The following INSYN2A variants were observed in gnomAD, a reference collection of about 807,000 sequenced individuals.
INSYN2A encodes inhibitory synaptic factor 2A.
Under a neutral mutation model 39.4 loss-of-function variants are expected in INSYN2A, and 17 were observed. That is an observed-to-expected ratio of 0.43 (90% CI 0.30 to 0.65). The LOEUF (loss-of-function observed/expected upper bound fraction) is 0.65. Among genes scored for constraint, INSYN2A ranks in the 30% least tolerant of loss-of-function variants. The pLI is 0.14. For synonymous variants in INSYN2A, 255 were observed against 265.7 expected (o/e 0.96, Z 0.39); for missense variants, 595 against 631.2 (o/e 0.94, Z 0.61).
intron 4 of INSYN2A, among the ~76,000 whole-genome samples, chr10:127,156,042 G>A (rs920956312): frequency 1.3e-4 from 20 of 152,250 alleles, no homozygotes; most frequent in African/African-American, 4.1e-4. Context: ...TACAGTGGGC[G>A]AAACCAGGGA....
chr10:127,166,577 A>G (rs1191501247), intron 4 of INSYN2A, among the ~76,000 whole-genome samples: 1 of 152,212 alleles, frequency 6.6e-6, no homozygotes, highest in African/African-American at 2.4e-5. Context: ...TAAAGATTAA[A>G]GAAGATAATA....
chr10:127,187,652 C>A (rs1024740355), intron 2 of INSYN2A, among the ~76,000 whole-genome samples: 1 of 151,902 alleles, frequency 6.6e-6, no homozygotes, highest in Non-Finnish European at 1.5e-5. Flanking sequence ...GGGCTCTATT[C>A]CCTCAGCCTC....
intron 4 of INSYN2A, among the ~76,000 whole-genome samples, chr10:127,168,563 C>A (rs2054285530): frequency 6.6e-6 from 1 of 152,216 alleles, no homozygotes; most frequent in African/African-American, 2.4e-5. Context: ...GAGAGACTGT[C>A]TAATGTCACC....
intron 4 of INSYN2A, among the ~76,000 whole-genome samples, chr10:127,158,665 A>T (rs1310311878): frequency 1.3e-5 from 2 of 152,124 alleles, no homozygotes; most frequent in Non-Finnish European, 2.9e-5. Context: ...GTGGACAAAA[A>T]CCCTGACAGG....
intron 5 of INSYN2A, among the ~76,000 whole-genome samples, chr10:127,140,371 C>T (rs777866974): frequency 2.6e-4 from 39 of 152,146 alleles, no homozygotes; most frequent in Middle Eastern, 3.2e-3. Flanking sequence ...GAGGCAGGTT[C>T]CTTGGTAGAG....
chr10:127,147,729 G>A (rs1181466372), intron 5 of INSYN2A, among the ~76,000 whole-genome samples: 1 of 152,044 alleles, frequency 6.6e-6, no homozygotes, highest in Non-Finnish European at 1.5e-5. Flanking sequence ...CAAAGTGGTT[G>A]TTTAAAATTC....
intron 5 of INSYN2A, among the ~76,000 whole-genome samples, chr10:127,141,283 A>T (rs2051215906): frequency 6.6e-6 from 1 of 152,210 alleles, no homozygotes; most frequent in African/African-American, 2.4e-5. Context: ...TCTCGAATGC[A>T]GGCACCATAA....
In INSYN2A at chr10:127,138,035, G is replaced by C. The variant is rs113189669; in HGVS notation, c.1257-15C>G. 7.5e-6 allele frequency: 12 copies of C among 1,591,122 alleles called. No homozygotes were observed. Among genetic ancestry groups the C allele is most frequent in the Non-Finnish European group, 9.4e-6 (11 of 1,171,964 alleles). On this transcript the variant is annotated splice_polypyrimidine_tract_variant and intron_variant, in intron 5 of 5. Coordinates refer to ENST00000522781, the MANE Select transcript of INSYN2A (RefSeq NM_001039762.3). ...CCAGCTCCACACTAGAAAAGAGAGA[G>C]AGTGAAGACTTTAGCATTTGATCTT...
At chr10:127,171,446 C>T (rs2054562507) in intron 4 of INSYN2A, among the ~76,000 whole-genome samples, 1 of 152,180 alleles carries the variant, frequency 6.6e-6, no homozygotes, top group Non-Finnish European at 1.5e-5. Flanking sequence ...GCCCATGACC[C>T]CTTTGGGCCA....
Position 127,176,316 on chromosome 10 carries a change from T to C in INSYN2A, c.80A>G (p.Glu27Gly). ...GTTGGGGTCCAGGGCGTATTTCATC[T>C]CCAGGGCCAGGCAGGCGGCGGGTTC... ...EVEPAACLAL[E>G]MKYALDPNRQ... The change falls in exon 4 of 6, where the codon GAG becomes GGG. Residue 27 changes from glutamate to glycine, a missense_variant. Glu to Gly is a moderately conservative substitution (Grantham distance 98, BLOSUM62 -2). Around this residue, in one of 2 missense-constraint regions of INSYN2A, gnomAD observed 478 missense variants for 467.4 expected, o/e 1.02. Coordinates refer to ENST00000522781, the MANE Select transcript of INSYN2A (RefSeq NM_001039762.3). This position sits in a 1 kb window ranked among gnomAD's most constrained non-coding sequence, Gnocchi z 4.4. The C allele has an allele frequency of 6.2e-7, 1 of 1,614,094 alleles. No homozygotes were observed. The highest frequency in any genetic ancestry group is 8.5e-7 in the Non-Finnish European group (1 of 1,180,036).
chr10:127,165,852 C>G (rs901082659), intron 4 of INSYN2A, among the ~76,000 whole-genome samples: 2 of 152,118 alleles, frequency 1.3e-5, no homozygotes, highest in Non-Finnish European at 2.9e-5. Flanking sequence ...ATTACAGATC[C>G]TTCCCAATAC....
At chr10:127,141,169 C>T (rs2051205388) in intron 5 of INSYN2A, among the ~76,000 whole-genome samples, 1 of 152,214 alleles carries the variant, frequency 6.6e-6, no homozygotes, top group Non-Finnish European at 1.5e-5. Flanking sequence ...GTCTGACCAC[C>T]TTCCCAAATG....
chr10:127,167,418 G>A (rs1198021272), intron 4 of INSYN2A, among the ~76,000 whole-genome samples: 1 of 152,184 alleles, frequency 6.6e-6, no homozygotes, highest in Non-Finnish European at 1.5e-5. Context: ...GAGAGATAAG[G>A]AATTGATGAA....
intron 4 of INSYN2A, among the ~76,000 whole-genome samples, chr10:127,173,759 G>C (rs899965207): frequency 6.6e-6 from 1 of 152,188 alleles, no homozygotes; most frequent in Non-Finnish European, 1.5e-5. Flanking sequence ...CGCCTGATGA[G>C]TGTTGCTTTT....
intron 4 of INSYN2A, among the ~76,000 whole-genome samples, chr10:127,172,945 T>G (rs2133857161): frequency 6.6e-6 from 1 of 152,320 alleles, no homozygotes; most frequent in South Asian, 2.1e-4. Context: ...ACTGTGAAGT[T>G]TCAATTGTCA....
At chr10:127,167,791 C>T (rs184851647) in intron 4 of INSYN2A, among the ~76,000 whole-genome samples, 6 of 152,160 alleles carry the variant, frequency 3.9e-5, no homozygotes, top group Non-Finnish European at 1.5e-5. Flanking sequence ...AGCTTCATGT[C>T]TCCATTTAGT....
At chr10:127,140,308 G>A (rs541173225) in intron 5 of INSYN2A, among the ~76,000 whole-genome samples, 3 of 152,132 alleles carry the variant, frequency 2.0e-5, no homozygotes, top group Non-Finnish European at 2.9e-5. Flanking sequence ...TTTATCTGTC[G>A]AGTTGATTCC....
chr10:127,185,445 G>A (rs1163838391), intron 2 of INSYN2A, among the ~76,000 whole-genome samples: 3 of 152,152 alleles, frequency 2.0e-5, no homozygotes, highest in Non-Finnish European at 4.4e-5. Flanking sequence ...AGAATCGCTT[G>A]AACCAGGGAG....
chr10:127,152,052 C>T (rs1020846115), intron 5 of INSYN2A, among the ~76,000 whole-genome samples: 2 of 151,804 alleles, frequency 1.3e-5, no homozygotes, highest in African/African-American at 2.4e-5. Flanking sequence ...CAGAATATTA[C>T]GTAGGTTTAG....
Sources: gnomAD v4.1 joint callset for allele counts (sites outside exome capture counted in the v4.1 genomes callset) on GRCh38, gnomAD v4.1.1 for gene constraint, gnomAD v4.1.1 regional missense constraint, Gnocchi (gnomAD v3.1) non-coding constraint, MANE v1.5 for transcripts, NCBI Gene and HGNC (gene_info 2026-07-23, HGNC 2026-07-21) for gene names.